Variants in ASIC2 observed in about 807,000 individuals in gnomAD.
The protein encoded by ASIC2 is acid sensing ion channel subunit 2.
Under a neutral mutation model 57.3 loss-of-function variants are expected in ASIC2, and 25 were observed. The ratio of observed to expected loss-of-function variants is 0.44; its 90% CI spans 0.32 to 0.61. The LOEUF is 0.61. Ranked by LOEUF, ASIC2 falls within the 20% of genes least tolerant of loss-of-function variation. The pLI, the probability that ASIC2 is intolerant of heterozygous loss-of-function variation, is 0.06. For missense variants in ASIC2, 641 were observed against 738.1 expected (o/e 0.87, Z 1.52); for synonymous variants, 319 against 307.5 (o/e 1.04, Z -0.39).
intron 1 of ASIC2, among the ~76,000 whole-genome samples, chr17:33,501,970 G>A (rs1567632359): frequency 6.6e-6 from 1 of 152,184 alleles, no homozygotes; most frequent in Non-Finnish European, 1.5e-5. Context: ...GGAAGCCTGG[G>A]CCTGAGCGTT....
chr17:33,607,913 G>A (rs1399329556), intron 1 of ASIC2, among the ~76,000 whole-genome samples: 1 of 152,132 alleles, frequency 6.6e-6, no homozygotes, highest in Non-Finnish European at 1.5e-5. Flanking sequence ...TTAAGCTGCA[G>A]ATAGGAAGCC....
chr17:33,634,958 T>C (rs185302134), intron 1 of ASIC2: 11 of 152,280 alleles, frequency 7.2e-5, no homozygotes, highest in Non-Finnish European at 1.3e-4. Flanking sequence ...CTTTGGCAAA[T>C]AGTGATTATC....
intron 1 of ASIC2, among the ~76,000 whole-genome samples, chr17:33,356,850 G>T (rs1768364325): frequency 6.6e-6 from 1 of 152,052 alleles, no homozygotes; most frequent in Non-Finnish European, 1.5e-5. Flanking sequence ...GGGGGTGTGT[G>T]TCTGTTGCTC....
intron 1 of ASIC2, among the ~76,000 whole-genome samples, chr17:33,904,529 TC>T (rs957741372): frequency 1.4e-4 from 21 of 152,316 alleles, no homozygotes; most frequent in Non-Finnish European, 2.8e-4. Flanking sequence ...TTTTAAAAAC[TC>T]CCTGTCATGC....
At chr17:33,361,727 T>C (rs1908614534) in intron 1 of ASIC2, among the ~76,000 whole-genome samples, 1 of 152,334 alleles carries the variant, frequency 6.6e-6, no homozygotes, top group South Asian at 2.1e-4. Context: ...TTAGTCTAGA[T>C]GCCAGGACTC....
intron 1 of ASIC2, among the ~76,000 whole-genome samples, chr17:33,677,236 C>G (rs562505167): frequency 6.6e-6 from 1 of 152,260 alleles, no homozygotes; most frequent in South Asian, 2.1e-4. Context: ...ACTTTCATAG[C>G]TAGAGAGAAG....
chr17:34,038,069 C>T, intron 1 of ASIC2: 2 of 1,613,360 alleles, frequency 1.2e-6, no homozygotes, highest in Non-Finnish European at 1.7e-6. Flanking sequence ...TGAATTGTAG[C>T]TATCATCATC....
At chr17:34,064,859 A>C (rs1909109119) in intron 1 of ASIC2, among the ~76,000 whole-genome samples, 1 of 152,190 alleles carries the variant, frequency 6.6e-6, no homozygotes, top group Admixed American at 6.5e-5. Flanking sequence ...GAATGACCAT[A>C]ATCAAAAAAT....
intron 1 of ASIC2, among the ~76,000 whole-genome samples, chr17:34,105,776 G>T (rs952100785): frequency 1.4e-4 from 21 of 151,920 alleles, no homozygotes; most frequent in Non-Finnish European, 7.4e-5. Context: ...ATATGTGTGG[G>T]TGTATTTTCT....
At chr17:33,848,190 C>T (rs1373989343) in intron 1 of ASIC2, among the ~76,000 whole-genome samples, 3 of 152,180 alleles carry the variant, frequency 2.0e-5, no homozygotes, top group Non-Finnish European at 2.9e-5. Context: ...GAAGGCACTG[C>T]AGCCTTTGCC....
chr17:34,099,790 G>C (rs1228280034), intron 1 of ASIC2, among the ~76,000 whole-genome samples: 3 of 81,694 alleles, frequency 3.7e-5, no homozygotes, highest in Non-Finnish European at 7.5e-5. Flanking sequence ...AAGAAAGAAA[G>C]AAAGAAAGAA....
chr17:34,045,207 C>T (rs1032741313), intron 1 of ASIC2, among the ~76,000 whole-genome samples: 2 of 152,212 alleles, frequency 1.3e-5, no homozygotes, highest in African/African-American at 4.8e-5. Context: ...CTCTTCCCCT[C>T]CATCCCCTCT....
At chr17:33,607,207 A>G (rs1442072262) in intron 1 of ASIC2, among the ~76,000 whole-genome samples, 1 of 152,174 alleles carries the variant, frequency 6.6e-6, no homozygotes, top group East Asian at 1.9e-4. Flanking sequence ...GGAACAAGGT[A>G]GGAACAACAA....
intron 1 of ASIC2, among the ~76,000 whole-genome samples, chr17:33,657,702 G>A (rs892163253): frequency 6.4e-5 from 9 of 140,262 alleles, no homozygotes; most frequent in African/African-American, 2.4e-4. Flanking sequence ...ATGAAAACAA[G>A]CAATATGATT....
At chr17:33,149,031 T>C (rs1028374249) in intron 1 of ASIC2, among the ~76,000 whole-genome samples, 3 of 151,990 alleles carry the variant, frequency 2.0e-5, no homozygotes, top group Non-Finnish European at 2.9e-5. Context: ...GAGGTGGAGG[T>C]TGCAGTGAGC....
At chr17:33,339,211 T>C (rs1239567572) in intron 1 of ASIC2, among the ~76,000 whole-genome samples, 5 of 152,162 alleles carry the variant, frequency 3.3e-5, no homozygotes, top group Non-Finnish European at 7.4e-5. Context: ...GGCTTCACCC[T>C]CAGATGAGCT....
chr17:34,155,165 AGAGAGAAAACCGAGCCTTT>A (rs1904668502), intron 1 of ASIC2, among the ~76,000 whole-genome samples: 1 of 151,908 alleles, frequency 6.6e-6, no homozygotes, highest in Non-Finnish European at 1.5e-5. Flanking sequence ...GTGATTATAC[AGAGAGAAAACCGAGCCTTT>A]GAGTTTCAAG....
intron 1 of ASIC2, among the ~76,000 whole-genome samples, chr17:33,388,573 A>T (rs1277597222): frequency 6.6e-6 from 1 of 152,146 alleles, no homozygotes; most frequent in Non-Finnish European, 1.5e-5. Flanking sequence ...TTTCTTAAGG[A>T]TACAGACTTT....
intron 1 of ASIC2, among the ~76,000 whole-genome samples, chr17:33,839,022 A>G (rs746132316): frequency 7.2e-5 from 11 of 152,214 alleles, no homozygotes; most frequent in Admixed American, 2.6e-4. Context: ...GGTGATGCCA[A>G]TGCTGCTAGT....
Sources: gnomAD v4.1 joint callset for allele counts (sites outside exome capture counted in the v4.1 genomes callset) on GRCh38, gnomAD v4.1.1 for gene constraint, MANE v1.5 for transcripts, NCBI Gene and HGNC (gene_info 2026-07-23, HGNC 2026-07-21) for gene names.